Variants in PTPRN2 observed in about 807,000 individuals in gnomAD.
PTPRN2 encodes protein tyrosine phosphatase receptor type N2.
In PTPRN2, 74 loss-of-function variants were observed where a neutral mutation model predicts 118.8. The ratio of observed to expected loss-of-function variants is 0.62; its 90% CI spans 0.52 to 0.76. The LOEUF (loss-of-function observed/expected upper bound fraction) is 0.76. Among genes scored for constraint, PTPRN2 ranks in the 30% least tolerant of loss-of-function variants. The probability of loss-of-function intolerance (pLI) is 0.00; values close to 1 mark genes in which losing one functional copy is unlikely to be tolerated. For synonymous variants in PTPRN2, 641 were observed against 608.0 expected (o/e 1.05, Z -0.80); for missense variants, 1,481 against 1,394.4 (o/e 1.06, Z -0.99).
intron 2 of PTPRN2, among the ~76,000 whole-genome samples, chr7:158,428,557 A>G (rs1246898987): frequency 6.6e-6 from 1 of 152,198 alleles, no homozygotes; most frequent in Non-Finnish European, 1.5e-5. Context: ...ATTTAACACT[A>G]TTCCACCGGA....
chr7:158,041,419 C>G (rs1315955438), intron 11 of PTPRN2, among the ~76,000 whole-genome samples: 3 of 152,142 alleles, frequency 2.0e-5, no homozygotes, highest in Admixed American at 2.0e-4. Flanking sequence ...GGGTAGATCA[C>G]TTGAGGTCAT....
chr7:157,656,315 C>T (rs1239556555), intron 14 of PTPRN2, 42 bp downstream of exon 14: 2 of 1,512,042 alleles, frequency 1.3e-6, no homozygotes, highest in Non-Finnish European at 1.8e-6. Context: ...GGAAGGAGGG[C>T]CCTGGTGTTT....
At position 157,886,214 on chromosome 7, in the gene PTPRN2, A is replaced by G. The variant is rs144592908; in HGVS notation, c.1788+12459T>C. Among the ~76,000 whole-genome samples, 941 of 152,242 alleles carry G rather than the reference A, an allele frequency of 6.2e-3. 12 individuals are homozygous for G. Among genetic ancestry groups the G allele is most frequent in the African/African-American group, 0.021 (885 of 41,542 alleles). On this transcript the variant is annotated intron_variant, in intron 12 of 22. Coordinates refer to ENST00000389418, the MANE Select transcript of PTPRN2 (RefSeq NM_002847.5). ...ACCTGCAGGGACAATCTTGCCTTCCACTAAGACCCAGGCACAAGGCGGGCC... is the reference window on the plus strand; with the variant it reads ...ACCTGCAGGGACAATCTTGCCTTCCGCTAAGACCCAGGCACAAGGCGGGCC...
intron 9 of PTPRN2, among the ~76,000 whole-genome samples, chr7:158,123,187 T>C (rs986914312): frequency 6.6e-6 from 1 of 152,260 alleles, no homozygotes; most frequent in African/African-American, 2.4e-5. Flanking sequence ...GTTATCCCTG[T>C]TCATCATTAA....
chr7:157,843,702 T>A (rs183971538), intron 12 of PTPRN2, among the ~76,000 whole-genome samples: 37 of 152,360 alleles, frequency 2.4e-4, no homozygotes, highest in African/African-American at 8.7e-4. Context: ...ACTCTCTTGC[T>A]TTCTTTCCAG....
At chr7:158,146,562 A>C (rs955848027) in intron 6 of PTPRN2, among the ~76,000 whole-genome samples, 2 of 151,788 alleles carry the variant, frequency 1.3e-5, no homozygotes, top group Non-Finnish European at 2.9e-5. Flanking sequence ...TCTACTAAAA[A>C]TACAAAAAAT....
chr7:157,544,513 C>T (rs887318339), intron 22 of PTPRN2, among the ~76,000 whole-genome samples: 12 of 152,156 alleles, frequency 7.9e-5, no homozygotes, highest in Non-Finnish European at 1.3e-4. Context: ...ACGGGCAGCA[C>T]GTGGACATGC....
At chr7:158,069,310 C>G (rs1219524508) in intron 11 of PTPRN2, among the ~76,000 whole-genome samples, 1 of 152,176 alleles carries the variant, frequency 6.6e-6, no homozygotes, top group African/African-American at 2.4e-5. Context: ...CTCAAGAGAT[C>G]CTCCCACCTC....
intron 12 of PTPRN2, among the ~76,000 whole-genome samples, chr7:157,815,252 G>A (rs1806322294): frequency 6.6e-6 from 1 of 152,262 alleles, no homozygotes; most frequent in South Asian, 2.1e-4. Context: ...CAGGACGGGA[G>A]GCTGAGGCTG....
At position 157,674,127 on chromosome 7, in the gene PTPRN2, C is replaced by G. The variant is rs757255664; in HGVS notation, c.2001+8598G>C. Among the ~76,000 whole-genome samples, 2 of 152,244 alleles carry G rather than the reference C, an allele frequency of 1.3e-5. No homozygotes were observed. The highest frequency in any genetic ancestry group is 4.1e-4 in the South Asian group (2 of 4,824). On this transcript the variant is annotated intron_variant, in intron 13 of 22. Transcript: ENST00000389418. The surrounding 1 kb of genome is among the most constrained non-coding windows in gnomAD (Gnocchi z 4.5). ...AACACCAATCACAGCTCTGGGGACC[C>G]CCACGTGTCAGCCATGGCAAAATGA...
At chr7:158,462,327 C>T (rs187701715) in intron 2 of PTPRN2, among the ~76,000 whole-genome samples, 80 of 152,310 alleles carry the variant, frequency 5.3e-4, no homozygotes, top group African/African-American at 1.9e-3. Context: ...GACCCTCAGA[C>T]GCCATGCACC....
At chr7:157,837,131 C>T (rs1808011206) in intron 12 of PTPRN2, among the ~76,000 whole-genome samples, 1 of 144,780 alleles carries the variant, frequency 6.9e-6, no homozygotes, top group African/African-American at 2.6e-5. Context: ...GTCCACCTGC[C>T]CACCCATCCA....
chr7:157,754,066 T>G (rs945628785), intron 12 of PTPRN2, among the ~76,000 whole-genome samples: 4 of 152,198 alleles, frequency 2.6e-5, no homozygotes, highest in East Asian at 3.9e-4. Flanking sequence ...GCGTTGTGGC[T>G]GGGATCTGTG....
chr7:157,831,455 T>G lies in PTPRN2; in HGVS notation c.1788+67218A>C, dbSNP rs1388474232. 6.6e-6 allele frequency among the ~76,000 whole-genome samples: 1 copy of G among 152,178 alleles called. No individual in the cohort carries two copies. The highest frequency in any genetic ancestry group is 1.5e-5 in the Non-Finnish European group (1 of 68,010). ...AGAGCAGGGCAGGGCTGGGTGCATT[T>G]GGAGTTGCCCTGGGGCTGGGGCTGG... On this transcript the variant is annotated intron_variant, in intron 12 of 22. Transcript: ENST00000389418. The surrounding 1 kb of genome is among the most constrained non-coding windows in gnomAD (Gnocchi z 4.8).
At chr7:158,213,649 A>T (rs898654855) in intron 3 of PTPRN2, among the ~76,000 whole-genome samples, 2 of 152,162 alleles carry the variant, frequency 1.3e-5, no homozygotes, top group Admixed American at 1.3e-4. Context: ...ACCCACTATG[A>T]AATGTACTTT....
intron 14 of PTPRN2, among the ~76,000 whole-genome samples, chr7:157,649,882 TCGG>T (rs1805513916): frequency 1.3e-5 from 1 of 79,032 alleles, no homozygotes; most frequent in South Asian, 3.4e-4. Flanking sequence ...TGCACTGAAC[TCGG>T]TGGGTCGGAC....
At chr7:158,094,341 G>C (rs1003600130) in intron 10 of PTPRN2, among the ~76,000 whole-genome samples, 1 of 152,026 alleles carries the variant, frequency 6.6e-6, no homozygotes, top group African/African-American at 2.4e-5. Context: ...ACGGAGTCTC[G>C]CACTGTCACC....
intron 2 of PTPRN2, among the ~76,000 whole-genome samples, chr7:158,413,410 T>C (rs923379226): frequency 6.6e-6 from 1 of 152,222 alleles, no homozygotes; most frequent in African/African-American, 2.4e-5. Flanking sequence ...AATAAAACAT[T>C]GTCTTTAAGG....
chr7:157,908,295 G>T (rs972999758), intron 11 of PTPRN2, among the ~76,000 whole-genome samples: 3 of 152,222 alleles, frequency 2.0e-5, no homozygotes, highest in African/African-American at 2.4e-5. Flanking sequence ...GCCTTGAAAG[G>T]GCCTCCACCC....
Sources: allele counts gnomAD v4.1 joint callset (sites outside exome capture counted in the v4.1 genomes callset), GRCh38; gene constraint gnomAD v4.1.1; non-coding constraint Gnocchi (gnomAD v3.1); transcripts MANE v1.5; gene names NCBI Gene and HGNC (gene_info 2026-07-23, HGNC 2026-07-21).